QTMAN: variants seen among roughly 807,000 people sequenced by gnomAD.
The protein encoded by QTMAN is tRNA-queuosine alpha-mannosyltransferase.
At chr2:144,026,899 A>T in the QTMAN span, among the ~76,000 whole-genome samples, 1 of 152,186 alleles carries the variant, frequency 6.6e-6, no homozygotes, top group Non-Finnish European at 1.5e-5. Context: ...TTCTTCCCCT[A>T]TTTTGTCTGT....
At chr2:144,043,662 G>C in the QTMAN span, among the ~76,000 whole-genome samples, 1 of 151,268 alleles carries the variant, frequency 6.6e-6, no homozygotes, top group African/African-American at 2.4e-5. Context: ...TAGCTCTGTT[G>C]GTAAGGTAAA....
At chr2:144,178,833 AC>A in the QTMAN span, 1 of 351,170 alleles carries the variant, frequency 2.8e-6, no homozygotes, top group Non-Finnish European at 5.8e-6. Context: ...AAAAAGAGTC[AC>A]CAAGGAGCTT....
the QTMAN span, among the ~76,000 whole-genome samples, chr2:144,177,943 T>C: frequency 6.6e-6 from 1 of 152,230 alleles, no homozygotes; most frequent in African/African-American, 2.4e-5. Context: ...ATTTTACAAT[T>C]ATAATACATC....
At chr2:144,242,034 G>C in the QTMAN span, among the ~76,000 whole-genome samples, 1 of 152,062 alleles carries the variant, frequency 6.6e-6, no homozygotes, top group Non-Finnish European at 1.5e-5. Context: ...ACCAGGAAGT[G>C]GAAGTTTGAC....
chr2:144,197,569 C>T, the QTMAN span, among the ~76,000 whole-genome samples: 3 of 151,872 alleles, frequency 2.0e-5, no homozygotes, highest in Non-Finnish European at 2.9e-5. Context: ...TAATTGTGAC[C>T]TCTGTAATTT....
the QTMAN span, among the ~76,000 whole-genome samples, chr2:144,199,466 TAG>T: frequency 6.6e-6 from 1 of 152,274 alleles, no homozygotes; most frequent in East Asian, 1.9e-4. Flanking sequence ...CCATGTCCTG[TAG>T]AGAGAGATAG....
At chr2:144,116,618 T>G in the QTMAN span, among the ~76,000 whole-genome samples, 1 of 152,118 alleles carries the variant, frequency 6.6e-6, no homozygotes, top group African/African-American at 2.4e-5. Flanking sequence ...AACAGAACCA[T>G]TTCAGCTGTT....
the QTMAN span, chr2:143,945,660 G>A: frequency 6.6e-6 from 1 of 152,198 alleles, no homozygotes. Context: ...CCTTCCAGAA[G>A]CTAGAAAGCC....
chr2:144,065,369 C>T, the QTMAN span, among the ~76,000 whole-genome samples: 4 of 152,186 alleles, frequency 2.6e-5, no homozygotes, highest in African/African-American at 4.8e-5. Context: ...TGCTCTGTGC[C>T]CTAGCAGGTT....
the QTMAN span, among the ~76,000 whole-genome samples, chr2:144,064,938 G>A: frequency 6.6e-6 from 1 of 152,124 alleles, no homozygotes; most frequent in Non-Finnish European, 1.5e-5. Flanking sequence ...TGTGATAAGG[G>A]ACTGAGGAGG....
the QTMAN span, among the ~76,000 whole-genome samples, chr2:144,269,980 T>C: frequency 6.6e-6 from 1 of 152,188 alleles, no homozygotes; most frequent in Non-Finnish European, 1.5e-5. Context: ...GATCATTATT[T>C]TATAGTTTAG....
chr2:144,088,328 A>G, the QTMAN span, among the ~76,000 whole-genome samples: 1 of 152,108 alleles, frequency 6.6e-6, no homozygotes, highest in Admixed American at 6.6e-5. Context: ...AAGATAAAAC[A>G]GACAGATGGA....
chr2:144,014,422 A>G, the QTMAN span, among the ~76,000 whole-genome samples: 1 of 152,206 alleles, frequency 6.6e-6, no homozygotes, highest in Non-Finnish European at 1.5e-5. Flanking sequence ...CATGAAATAC[A>G]GCATTCTGTG....
the QTMAN span, among the ~76,000 whole-genome samples, chr2:144,291,718 C>T: frequency 6.6e-6 from 1 of 152,158 alleles, no homozygotes; most frequent in Non-Finnish European, 1.5e-5. Context: ...ATTCTTATTA[C>T]CCGTACTTAA....
chr2:144,151,604 T>A, the QTMAN span, among the ~76,000 whole-genome samples: 1 of 152,116 alleles, frequency 6.6e-6, no homozygotes, highest in Non-Finnish European at 1.5e-5. Flanking sequence ...AAACTGGATA[T>A]GAGAAGCGAA....
At chr2:144,297,613 C>G in the QTMAN span, among the ~76,000 whole-genome samples, 3 of 135,860 alleles carry the variant, frequency 2.2e-5, no homozygotes, top group East Asian at 4.4e-4. Context: ...CAGAGTCTCT[C>G]TCTGTCTCCC....
the QTMAN span, among the ~76,000 whole-genome samples, chr2:144,170,347 C>G: frequency 6.6e-6 from 1 of 152,146 alleles, no homozygotes; most frequent in African/African-American, 2.4e-5. Context: ...AGGTCAAAGA[C>G]AAAGCACTTA....
the QTMAN span, among the ~76,000 whole-genome samples, chr2:144,307,611 C>CA: frequency 1.3e-5 from 2 of 152,002 alleles, no homozygotes; most frequent in Non-Finnish European, 1.5e-5. Context: ...GGAATTCACA[C>CA]AAAAAAAGTC....
the QTMAN span, among the ~76,000 whole-genome samples, chr2:144,232,335 G>A: frequency 6.6e-6 from 1 of 152,086 alleles, no homozygotes; most frequent in African/African-American, 2.4e-5. Context: ...TAATTTTAAA[G>A]TGTTTTCTAA....
Sources: gnomAD v4.1 joint callset for allele counts (sites outside exome capture counted in the v4.1 genomes callset) on GRCh38, gnomAD v4.1.1 for gene constraint, MANE v1.5 for transcripts, NCBI Gene and HGNC (gene_info 2026-07-23, HGNC 2026-07-21) for gene names.